The following TBC1D30 variants were observed in gnomAD, a reference collection of about 807,000 sequenced individuals.
The protein encoded by TBC1D30 is TBC1 domain family member 30.
TBC1D30 carries 31 observed loss-of-function variants against 63.2 expected under a neutral mutation model. That is an observed-to-expected ratio of 0.49 (90% CI 0.37 to 0.66). TBC1D30 has a LOEUF of 0.66. Ranked by LOEUF, TBC1D30 falls within the 30% of genes least tolerant of loss-of-function variation. TBC1D30 has a pLI of 0.00. For missense variants in TBC1D30, 810 were observed against 953.6 expected, an observed-to-expected ratio of 0.85 and a Z score of 1.98; for synonymous variants, 307 against 361.5, an observed-to-expected ratio of 0.85 and a Z score of 1.71.
intron 8 of TBC1D30, among the ~76,000 whole-genome samples, chr12:64,854,439 C>T (rs188764140): frequency 1.3e-5 from 2 of 151,690 alleles, no homozygotes; most frequent in Admixed American, 1.3e-4. Flanking sequence ...CTGTCTATGT[C>T]TTAAAAAGTT....
At chr12:64,837,763 T>G (rs1329606098) in intron 6 of TBC1D30, among the ~76,000 whole-genome samples, 1 of 150,480 alleles carries the variant, frequency 6.6e-6, no homozygotes, top group Non-Finnish European at 1.5e-5. Context: ...CTGTGTAGAT[T>G]TTATAATGCT....
Position 64,836,560 on chromosome 12 carries a change from T to G in TBC1D30, c.665T>G (p.Val222Gly). The change falls in exon 6 of 12, where the codon GTG becomes GGG. Residue 222 changes from valine to glycine, a missense_variant. This residue lies in a region of TBC1D30 where 272 missense variants were observed against 335.9 expected (regional missense o/e 0.81). Coordinates refer to ENST00000539867, the MANE Select transcript of TBC1D30 (RefSeq NM_015279.2). ...YFVNNLRALS[V>G]DMAVFRDLLR... ...GTCAATAATCTCCGGGCATTGTCTGTGGATATGGCTGTCTTCAGAGACCTT... is the reference window on the plus strand; with the variant it reads ...GTCAATAATCTCCGGGCATTGTCTGGGGATATGGCTGTCTTCAGAGACCTT... The G allele has an allele frequency of 1.3e-6, 2 of 1,536,070 alleles. No homozygotes were observed. The highest frequency in any genetic ancestry group is 8.7e-7 in the Non-Finnish European group (1 of 1,146,858).
upstream of TBC1D30, among the ~76,000 whole-genome samples, chr12:64,821,825 G>T (rs187623494): frequency 3.9e-5 from 6 of 152,178 alleles, no homozygotes; most frequent in African/African-American, 1.4e-4. Context: ...ACCGGAGCTC[G>T]CAGCAAAAGG....
At chr12:64,832,881 G>T (rs992705303) in intron 5 of TBC1D30, among the ~76,000 whole-genome samples, 2 of 152,186 alleles carry the variant, frequency 1.3e-5, no homozygotes, top group African/African-American at 2.4e-5. Context: ...CAACCCAGTG[G>T]CTGGCACCCC....
chr12:64,848,576 C>T (rs770716846), intron 8 of TBC1D30, among the ~76,000 whole-genome samples: 7 of 152,286 alleles, frequency 4.6e-5, no homozygotes, highest in East Asian at 1.9e-4. Flanking sequence ...TTTCCAGCTT[C>T]GTCCATGTCC....
chr12:64,768,885 G>C (rs1014922127), intron 1 of TBC1D30, among the ~76,000 whole-genome samples: 45 of 152,122 alleles, frequency 3.0e-4, no homozygotes, highest in Non-Finnish European at 8.8e-5. Context: ...GGCCAAGTGT[G>C]GTGGCTCATG....
At chr12:64,806,193 C>A (rs1872860639) in intron 2 of TBC1D30, among the ~76,000 whole-genome samples, 1 of 152,250 alleles carries the variant, frequency 6.6e-6, no homozygotes, top group East Asian at 1.9e-4. Flanking sequence ...CTTTCTTCAA[C>A]TTTCCCATTA....
intron 8 of TBC1D30, among the ~76,000 whole-genome samples, chr12:64,848,624 A>C (rs1876598188): frequency 6.6e-6 from 1 of 152,170 alleles, no homozygotes; most frequent in Admixed American, 6.5e-5. Context: ...TTATGGCTGC[A>C]TAGTATTCCA....
chr12:64,780,167 T>C (rs1871193490), upstream of TBC1D30, among the ~76,000 whole-genome samples: 1 of 152,236 alleles, frequency 6.6e-6, no homozygotes, highest in African/African-American at 2.4e-5. Context: ...GGAAAAAAGT[T>C]CACAGCGTTA....
At chr12:64,834,075 A>C (rs1469369154) in intron 5 of TBC1D30, among the ~76,000 whole-genome samples, 1 of 152,204 alleles carries the variant, frequency 6.6e-6, no homozygotes, top group African/African-American at 2.4e-5. Flanking sequence ...AAAGATGAGA[A>C]ACTGAATATT....
intron 5 of TBC1D30, among the ~76,000 whole-genome samples, chr12:64,834,765 G>A (rs958129097): frequency 6.1e-5 from 9 of 148,624 alleles, no homozygotes; most frequent in African/African-American, 1.7e-4. Context: ...TACAGTGGTG[G>A]GTGGTTTGAG....
At position 64,849,250 on chromosome 12, in the gene TBC1D30, C is replaced by T. The variant is rs906622793; in HGVS notation, c.1038+5765C>T. On this transcript the variant is annotated intron_variant, in intron 8 of 11. Coordinates refer to ENST00000539867, the MANE Select transcript of TBC1D30 (RefSeq NM_015279.2). ...TGCCTGTTTGCTCTAATGATAGGTT[C>T]TTTTGCTGTGCAGAAGCTCTTTAGT... is the stretch of plus-strand genomic sequence containing the variant. Among the ~76,000 whole-genome samples the T allele has an allele frequency of 3.9e-5, 6 of 152,130 alleles. No homozygotes were observed. In the South Asian group the frequency reaches 1.2e-3, roughly 31 times the overall value.
chr12:64,830,426 G>A lies in TBC1D30; in HGVS notation c.332G>A (p.Trp111Ter). ...DHYLHSIAID[W>*]DKTMRFTFNE... ...TATTTGCACAGTATAGCCATTGACT[G>A]GGACAAAACCATGCGCTTCACTTTC... The change falls in exon 4 of 12, where the codon TGG becomes TAG. Residue 111 changes from tryptophan to a stop codon, truncating the protein, a stop_gained. Transcript: ENST00000539867. LOFTEE classifies it high-confidence loss of function. The A allele has an allele frequency of 2.6e-6, 4 of 1,535,412 alleles. No individual in the cohort carries two copies. Among genetic ancestry groups the A allele is most frequent in the Non-Finnish European group, 3.5e-6 (4 of 1,146,460 alleles).
intron 10 of TBC1D30, among the ~76,000 whole-genome samples, chr12:64,870,181 A>G (rs1878540352): frequency 6.6e-6 from 1 of 152,234 alleles, no homozygotes; most frequent in African/African-American, 2.4e-5. Flanking sequence ...TGCACTTTTA[A>G]TGACTGTCTA....
At chr12:64,837,241 C>G (rs111527414) in intron 6 of TBC1D30, among the ~76,000 whole-genome samples, 2 of 152,018 alleles carry the variant, frequency 1.3e-5, no homozygotes, top group Admixed American at 6.6e-5. Context: ...GACCAGTTTC[C>G]GGGAAGACAG....
At chr12:64,830,855 A>AAC (rs1448834298) in intron 4 of TBC1D30, among the ~76,000 whole-genome samples, 1 of 152,240 alleles carries the variant, frequency 6.6e-6, no homozygotes, top group African/African-American at 2.4e-5. Context: ...ATTTCATATG[A>AAC]GAATGATTTG....
chr12:64,827,965 A>T (rs1874511330), intron 2 of TBC1D30, 69 bp downstream of exon 2: 2 of 1,031,594 alleles, frequency 1.9e-6, no homozygotes, highest in South Asian at 1.5e-5. Context: ...ATATTCTCAA[A>T]GTGGAAATAA....
At chr12:64,870,884 G>A (rs1257401092) in intron 11 of TBC1D30, 76 bp downstream of exon 11, 18 of 1,437,030 alleles carry the variant, frequency 1.3e-5, no homozygotes, top group Admixed American at 2.0e-5. Context: ...ATCCTAGGAA[G>A]GCCTTGGAAT....
upstream of TBC1D30, among the ~76,000 whole-genome samples, chr12:64,823,984 A>G (rs1490007600): frequency 1.3e-5 from 2 of 151,162 alleles, no homozygotes; most frequent in Non-Finnish European, 1.5e-5. Flanking sequence ...AGCAAACACA[A>G]GTATCTTTAT....
Sources: allele counts gnomAD v4.1 joint callset (sites outside exome capture counted in the v4.1 genomes callset), GRCh38; gene constraint gnomAD v4.1.1; regional missense constraint gnomAD v4.1.1; transcripts MANE v1.5; gene names NCBI Gene and HGNC (gene_info 2026-07-23, HGNC 2026-07-21).